The following KIAA1549L variants were observed in gnomAD, a reference collection of about 807,000 sequenced individuals.
KIAA1549L encodes the protein KIAA1549 like, also known as UPF0606 protein KIAA1549L.
KIAA1549L carries 88 observed loss-of-function variants against 160.7 expected under a neutral mutation model. That is an observed-to-expected ratio of 0.55 (90% CI 0.46 to 0.65). The LOEUF is 0.65. Ranked by LOEUF, KIAA1549L falls within the 30% of genes least tolerant of loss-of-function variation. The probability of loss-of-function intolerance (pLI) is 0.00; values close to 1 mark genes in which losing one functional copy is unlikely to be tolerated. For synonymous variants in KIAA1549L, 950 were observed against 976.7 expected, an observed-to-expected ratio of 0.97 and a Z score of 0.51; for missense variants, 2,258 against 2,437.5, an observed-to-expected ratio of 0.93 and a Z score of 1.55.
chr11:33,499,034 C>T (rs1368168505), intron 1 of KIAA1549L, among the ~76,000 whole-genome samples: 2 of 151,890 alleles, frequency 1.3e-5, no homozygotes, highest in Non-Finnish European at 2.9e-5. Context: ...TATGTAGAGC[C>T]TTTTGTGCTC....
intron 1 of KIAA1549L, among the ~76,000 whole-genome samples, chr11:33,441,942 A>G (rs558653144): frequency 6.5e-4 from 99 of 152,208 alleles, no homozygotes; most frequent in African/African-American, 2.3e-3. Context: ...CCGTTTGTCA[A>G]TTTTGGCTTT....
intron 1 of KIAA1549L, among the ~76,000 whole-genome samples, chr11:33,468,804 G>A (rs1001287550): frequency 5.9e-5 from 9 of 152,126 alleles, no homozygotes; most frequent in African/African-American, 2.2e-4. Context: ...ATTTTTGTGA[G>A]TATACTTTAT....
chr11:33,431,421 C>A (rs200710950), intron 1 of KIAA1549L, among the ~76,000 whole-genome samples: 29,727 of 151,912 alleles, frequency 0.2, 3,155 homozygotes, highest in East Asian at 0.32. Flanking sequence ...CTGAGCTAGA[C>A]ACAAAGGTTC....
chr11:33,451,411 G>A (rs550952008), intron 1 of KIAA1549L, among the ~76,000 whole-genome samples: 95 of 152,300 alleles, frequency 6.2e-4, no homozygotes, highest in Non-Finnish European at 1.1e-3. Context: ...CAACCAACCT[G>A]AAACTATTTA....
At chr11:33,646,104 T>A in intron 17 of KIAA1549L, 68 bp downstream of exon 17, 1 of 1,229,984 alleles carries the variant, frequency 8.1e-7, no homozygotes, top group South Asian at 1.5e-5. Flanking sequence ...AACAGGAGAC[T>A]CAGAGCAGGG....
chr11:33,577,455 A>G (rs544133399), intron 10 of KIAA1549L, among the ~76,000 whole-genome samples: 1 of 152,298 alleles, frequency 6.6e-6, no homozygotes, highest in African/African-American at 2.4e-5. Context: ...AGAGGCAGGA[A>G]TTGTAGGTGC....
intron 1 of KIAA1549L, among the ~76,000 whole-genome samples, chr11:33,516,868 G>C (rs1291491462): frequency 6.6e-6 from 1 of 152,192 alleles, no homozygotes; most frequent in African/African-American, 2.4e-5. Flanking sequence ...AACAGTGAGA[G>C]TTATTTTACT....
chr11:33,469,618 A>T (rs1018609329), intron 1 of KIAA1549L, among the ~76,000 whole-genome samples: 1 of 152,196 alleles, frequency 6.6e-6, no homozygotes, highest in Non-Finnish European at 1.5e-5. Flanking sequence ...AAGAGGCTGC[A>T]CCATTTTAGA....
chr11:33,573,349 T>C (rs1223352444), intron 9 of KIAA1549L, among the ~76,000 whole-genome samples: 1 of 152,174 alleles, frequency 6.6e-6, no homozygotes, highest in Non-Finnish European at 1.5e-5. Context: ...TTCCCATATT[T>C]TTTGTATAGA....
chr11:33,661,249 C>T lies in KIAA1549L; in HGVS notation c.6159+235C>T, dbSNP rs555029120. 1.1e-4 allele frequency among the ~76,000 whole-genome samples: 16 copies of T among 152,308 alleles called. No homozygotes were observed. In the South Asian group the frequency reaches 1.7e-3, roughly 16 times the overall value. On this transcript the variant is annotated intron_variant, in intron 20 of 20. Coordinates refer to ENST00000658780, the MANE Select transcript of KIAA1549L (RefSeq NM_012194.3). ...CAGCTCCCACCTCTTCCTAGCAGGA[C>T]GACCTTAATCAAGTACATTTTTATA...
intron 9 of KIAA1549L, among the ~76,000 whole-genome samples, chr11:33,569,937 C>A (rs188768965): frequency 6.6e-6 from 1 of 151,934 alleles, no homozygotes; most frequent in East Asian, 1.9e-4. Flanking sequence ...TATTTGTAAA[C>A]CTAAGAAACC....
In KIAA1549L at chr11:33,451,330, G is replaced by A. The variant is rs546128585; in HGVS notation, c.238+74441G>A. 1.3e-3 allele frequency among the ~76,000 whole-genome samples: 203 copies of A among 152,290 alleles called. 1 individual carries two copies. The highest frequency in any genetic ancestry group is 4.7e-3 in the African/African-American group (196 of 41,560). On this transcript the variant is annotated intron_variant, in intron 1 of 20. Coordinates refer to ENST00000658780, the MANE Select transcript of KIAA1549L (RefSeq NM_012194.3). ...AATAGATTTTGCAGAGTTGAAGGTG[G>A]ATATTGCTTCAGGAAGGCATAAAGT...
chr11:33,464,515 T>TGTGC (rs1554980365), intron 1 of KIAA1549L, among the ~76,000 whole-genome samples: 1 of 129,980 alleles, frequency 7.7e-6, no homozygotes, highest in Non-Finnish European at 1.7e-5. Flanking sequence ...TGTGTGTGCG[T>TGTGC]GCGCGCATGC....
Position 33,598,898 on chromosome 11 carries a change from T to A in KIAA1549L, c.4830T>A (p.Asn1610Lys). Residue 1610 changes from asparagine (N) to lysine (K), a missense_variant, in exon 13 of 21, where the codon AAT becomes AAA. Physicochemically the swap from Asn to Lys is moderately conservative, Grantham distance 94. Coordinates refer to ENST00000658780, the MANE Select transcript of KIAA1549L (RefSeq NM_012194.3). Reference sequence around the variant, plus strand: ...GCTCAGGGAGACGCTCACCCCAGAATGTAATGGCACAGCAGAAAGTGACAA... The same window carrying A: ...GCTCAGGGAGACGCTCACCCCAGAAAGTAATGGCACAGCAGAAAGTGACAA... ...KPSSGRRSPQ[N>K]VMAQQKVTKE... The A allele has an allele frequency of 6.2e-7, 1 of 1,613,756 alleles. No homozygotes were observed. Among genetic ancestry groups the A allele is most frequent in the Non-Finnish European group, 8.5e-7 (1 of 1,179,832 alleles).
At chr11:33,472,091 T>C (rs1398835450) in intron 1 of KIAA1549L, among the ~76,000 whole-genome samples, 1 of 152,006 alleles carries the variant, frequency 6.6e-6, no homozygotes, top group Non-Finnish European at 1.5e-5. Context: ...TTGGTGCCTC[T>C]TTCTTCCTTC....
In KIAA1549L at chr11:33,653,823, T is replaced by C. The variant is rs370666010; in HGVS notation, c.5761-2189T>C. Among the ~76,000 whole-genome samples, 13 of 152,256 alleles carry C rather than the reference T, an allele frequency of 8.5e-5. No individual in the cohort carries two copies. In the South Asian group the frequency reaches 1.2e-3, roughly 15 times the overall value. On this transcript the variant is annotated intron_variant, in intron 17 of 20. Coordinates refer to ENST00000658780, the MANE Select transcript of KIAA1549L (RefSeq NM_012194.3). ...CTTAGTAATTTCCCCAATTCCATTT[T>C]CTAGTTTATTAATTCTCTATTTGTG...
In KIAA1549L at chr11:33,544,320, C is replaced by T; in HGVS notation, c.2757C>T (p.His919=). The T allele has an allele frequency of 6.2e-7, 1 of 1,613,890 alleles. No individual in the cohort carries two copies. Among genetic ancestry groups the T allele is most frequent in the African/African-American group, 1.3e-5 (1 of 75,038 alleles). The change falls in exon 2 of 21, where the codon CAC becomes CAT. Residue 919 remains histidine (H), a synonymous_variant. Transcript: ENST00000658780. ...TSSRVLRASQ[H]PKKWTADTVS... is the part of the protein sequence containing the mutation. ...CCAGAGTGCTGCGGGCTTCTCAGCA[C>T]CCCAAGAAATGGACAGGTGCAGCCA...
intron 1 of KIAA1549L, among the ~76,000 whole-genome samples, chr11:33,541,514 C>T (rs970208895): frequency 3.3e-5 from 5 of 152,230 alleles, no homozygotes; most frequent in African/African-American, 4.8e-5. Flanking sequence ...TCACAGTCCA[C>T]GCCTTGTAGG....
intron 6 of KIAA1549L, among the ~76,000 whole-genome samples, chr11:33,557,176 A>G (rs1396921420): frequency 6.6e-6 from 1 of 152,050 alleles, no homozygotes; most frequent in Non-Finnish European, 1.5e-5. Flanking sequence ...TTTTGTAGAG[A>G]CAGGATTTTG....
Sources: allele counts gnomAD v4.1 joint callset (sites outside exome capture counted in the v4.1 genomes callset), GRCh38; gene constraint gnomAD v4.1.1; transcripts MANE v1.5; gene names NCBI Gene and HGNC (gene_info 2026-07-23, HGNC 2026-07-21).